MAF: variants seen among roughly 807,000 people sequenced by gnomAD.
MAF encodes the protein transcription factor Maf.
Under a neutral mutation model 22.0 loss-of-function variants are expected in MAF, and 10 were observed. That is an observed-to-expected ratio of 0.45 (90% CI 0.28 to 0.77). The LOEUF (loss-of-function observed/expected upper bound fraction) is 0.77, where lower values mean the gene tolerates loss of function less well. Among genes scored for constraint, MAF ranks in the 30% least tolerant of loss-of-function variants. The pLI is 0.12. For synonymous variants in MAF, 337 were observed against 255.8 expected, an observed-to-expected ratio of 1.32 and a Z score of -3.03; for missense variants, 544 against 548.4, an observed-to-expected ratio of 0.99 and a Z score of 0.08.
At chr16:79,510,901 G>C in the MAF span, among the ~76,000 whole-genome samples, 1 of 152,178 alleles carries the variant, frequency 6.6e-6, no homozygotes, top group African/African-American at 2.4e-5. Flanking sequence ...GACAGAGAGG[G>C]ATTCTTTTGA....
At chr16:79,293,450 T>C in the MAF span, among the ~76,000 whole-genome samples, 1 of 152,226 alleles carries the variant, frequency 6.6e-6, no homozygotes, top group Admixed American at 6.5e-5. Context: ...AATATACACT[T>C]TCTATATGTT....
the MAF span, among the ~76,000 whole-genome samples, chr16:79,312,685 G>C: frequency 3.3e-5 from 5 of 152,198 alleles, no homozygotes; most frequent in African/African-American, 4.8e-5. Context: ...CAATTATTCT[G>C]TAACCCAGTG....
At chr16:79,245,857 C>G in the MAF span, among the ~76,000 whole-genome samples, 1 of 152,026 alleles carries the variant, frequency 6.6e-6, no homozygotes, top group African/African-American at 2.4e-5. Flanking sequence ...CACATACACA[C>G]CATGGAATAC....
the MAF span, among the ~76,000 whole-genome samples, chr16:79,291,411 G>A: frequency 6.6e-6 from 1 of 152,100 alleles, no homozygotes; most frequent in Non-Finnish European, 1.5e-5. Context: ...CCTCTGCCCA[G>A]ATCTCCTGCT....
At chr16:79,473,710 A>G in the MAF span, among the ~76,000 whole-genome samples, 10 of 152,164 alleles carry the variant, frequency 6.6e-5, no homozygotes, top group African/African-American at 2.4e-4. Flanking sequence ...GTTAAAAACC[A>G]TGCCCAGACA....
chr16:79,539,202 T>A, the MAF span, among the ~76,000 whole-genome samples: 1 of 152,230 alleles, frequency 6.6e-6, no homozygotes. Flanking sequence ...TCTTATTATA[T>A]GCATTAAGTT....
At chr16:79,215,955 G>A in the MAF span, among the ~76,000 whole-genome samples, 1 of 152,264 alleles carries the variant, frequency 6.6e-6, no homozygotes, top group African/African-American at 2.4e-5. Context: ...GTCAGACACT[G>A]TCAGTCCCCA....
the MAF span, among the ~76,000 whole-genome samples, chr16:79,462,593 A>T: frequency 6.6e-6 from 1 of 152,194 alleles, no homozygotes; most frequent in African/African-American, 2.4e-5. Context: ...ACACACACAA[A>T]TACATTTGTA....
At chr16:79,252,939 C>G in the MAF span, among the ~76,000 whole-genome samples, 1 of 152,212 alleles carries the variant, frequency 6.6e-6, no homozygotes, top group Non-Finnish European at 1.5e-5. Flanking sequence ...GTACTTTCCT[C>G]TCCATTTTTC....
At chr16:79,209,130 C>A in the MAF span, among the ~76,000 whole-genome samples, 5 of 152,266 alleles carry the variant, frequency 3.3e-5, no homozygotes, top group East Asian at 9.7e-4. Context: ...AAAGCCATCT[C>A]CTGATAAAAA....
chr16:79,328,788 C>G, the MAF span, among the ~76,000 whole-genome samples: 1 of 152,170 alleles, frequency 6.6e-6, no homozygotes, highest in Non-Finnish European at 1.5e-5. Flanking sequence ...AAGAACTGGT[C>G]CTCTCTCAAT....
chr16:79,582,902 G>A (rs1390137268), downstream of MAF, among the ~76,000 whole-genome samples: 3 of 152,160 alleles, frequency 2.0e-5, no homozygotes, highest in African/African-American at 4.8e-5. Context: ...AGTGAAGATG[G>A]GGTCAAGACC....
the MAF span, among the ~76,000 whole-genome samples, chr16:79,519,198 A>G: frequency 2.6e-5 from 4 of 152,178 alleles, no homozygotes; most frequent in Middle Eastern, 3.2e-3. Flanking sequence ...TGACTTGTCC[A>G]AGCCCCCAAA....
At chr16:79,519,607 C>A in the MAF span, among the ~76,000 whole-genome samples, 1 of 152,216 alleles carries the variant, frequency 6.6e-6, no homozygotes, top group African/African-American at 2.4e-5. Context: ...CATCCACTGG[C>A]CCTTGGAGAC....
chr16:79,487,877 T>A, the MAF span, among the ~76,000 whole-genome samples: 1 of 152,314 alleles, frequency 6.6e-6, no homozygotes, highest in South Asian at 2.1e-4. Flanking sequence ...TGCGTATGGA[T>A]GAAGATTTCC....
chr16:79,264,149 A>AG, the MAF span, among the ~76,000 whole-genome samples: 2 of 152,190 alleles, frequency 1.3e-5, no homozygotes, highest in Admixed American at 1.3e-4. Context: ...TTGAGAAGTG[A>AG]GATCATATTG....
At chr16:79,421,710 C>T in the MAF span, among the ~76,000 whole-genome samples, 10 of 151,286 alleles carry the variant, frequency 6.6e-5, no homozygotes, top group Middle Eastern at 0.01. Flanking sequence ...AATTGTTGGC[C>T]GCTGCAACCT....
the MAF span, among the ~76,000 whole-genome samples, chr16:79,224,167 C>G: frequency 6.6e-6 from 1 of 152,158 alleles, no homozygotes; most frequent in South Asian, 2.1e-4. Flanking sequence ...GCACCACGAT[C>G]GAGTCAGTTT....
downstream of MAF, among the ~76,000 whole-genome samples, chr16:79,581,872 T>A (rs1283694225): frequency 1.3e-5 from 2 of 152,230 alleles, no homozygotes; most frequent in African/African-American, 4.8e-5. Flanking sequence ...GGCCACCTTG[T>A]CTCTATTGAC....
Sources: allele counts gnomAD v4.1 joint callset (sites outside exome capture counted in the v4.1 genomes callset), GRCh38; gene constraint gnomAD v4.1.1; transcripts MANE v1.5; gene names NCBI Gene and HGNC (gene_info 2026-07-23, HGNC 2026-07-21).